TUBAL3: variants seen among roughly 807,000 people sequenced by gnomAD.
TUBAL3 encodes tubulin alpha like 3.
A neutral mutation model predicts 15.5 loss-of-function variants in TUBAL3; 16 were observed. The observed-to-expected ratio is 1.04, with a 90% CI of 0.70 to 1.57. The LOEUF is 1.57. Among genes scored for constraint, TUBAL3 ranks in the 40% most tolerant of loss-of-function variants. TUBAL3 has a pLI of 0.00. For missense variants in TUBAL3, 609 were observed against 576.2 expected, an observed-to-expected ratio of 1.06 and a Z score of -0.58; for synonymous variants, 238 against 224.3, an observed-to-expected ratio of 1.06 and a Z score of -0.55.
Position 5,394,419 on chromosome 10 carries a change from T to C in TUBAL3, c.439A>G (p.Ser147Gly). The C allele has an allele frequency of 6.2e-7, 1 of 1,612,478 alleles. No homozygotes were observed. Among genetic ancestry groups the C allele is most frequent in the South Asian group, 1.1e-5 (1 of 90,800 alleles). ...CCTGAACCAGTGCCTCCTCCAAAGC[T>C]TCGGAAAATCAAAAATCCCTGAAGT... Reference protein sequence around the residue: ...GGLQGFLIFRSFGGGTGSGFT... With the variant: ...GGLQGFLIFRGFGGGTGSGFT... The change falls in exon 4 of 4, where the codon AGC (serine) becomes GGC (glycine). Residue 147 changes from serine (S) to glycine (G), a missense_variant. Transcript: ENST00000380419. This position sits in a 1 kb window ranked among gnomAD's most constrained non-coding sequence, Gnocchi z 4.3.
chr10:5,400,081 A>T (rs941473386), intron 2 of TUBAL3, among the ~76,000 whole-genome samples: 2 of 152,338 alleles, frequency 1.3e-5, no homozygotes, highest in South Asian at 2.1e-4. Context: ...TTTGCATGAC[A>T]TACTACAAGT....
At chr10:5,401,922 G>A (rs996203630) in intron 1 of TUBAL3, among the ~76,000 whole-genome samples, 1 of 151,946 alleles carries the variant, frequency 6.6e-6, no homozygotes, top group Non-Finnish European at 1.5e-5. Context: ...ATATATTGTT[G>A]AGCATTTAAA....
rs1831725718 is a variant in TUBAL3 at position 5,394,214 on chromosome 10, G to A, written c.644C>T (p.Ala215Val). The A allele has an allele frequency of 6.2e-7, 1 of 1,614,180 alleles. No individual in the cohort carries two copies. Among genetic ancestry groups the A allele is most frequent in the Non-Finnish European group, 8.5e-7 (1 of 1,180,032 alleles). ...TTTACGATGGCATATATCATAGACGGCCTCGTTGTCCACCATGAAGGTACA... is the reference window on the plus strand; with the variant it reads ...TTTACGATGGCATATATCATAGACGACCTCGTTGTCCACCATGAAGGTACA... ...TDCTFMVDNE[A>V]VYDICHRKLG... Residue 215 changes from alanine (A) to valine (V), a missense_variant, in exon 4 of 4, where the codon GCC becomes GTC. Transcript: ENST00000380419. This position sits in a 1 kb window ranked among gnomAD's most constrained non-coding sequence, Gnocchi z 4.3.
chr10:5,402,752 T>A (rs1246541392), intron 1 of TUBAL3, among the ~76,000 whole-genome samples: 1 of 152,250 alleles, frequency 6.6e-6, no homozygotes, highest in African/African-American at 2.4e-5. Context: ...AACCCTATTG[T>A]GAACTGCGCA....
At position 5,400,204 on chromosome 10, in the gene TUBAL3, C is replaced by G. The variant is rs530327644; in HGVS notation, c.247+640G>C. Among the ~76,000 whole-genome samples the G allele has an allele frequency of 8.5e-5, 13 of 152,276 alleles. No homozygotes were observed. The South Asian group carries it at 2.7e-3, about 32-fold the overall frequency. On this transcript the variant is annotated intron_variant, in intron 2 of 3. Transcript: ENST00000380419. ...TATTCTACTCTTTTTAAGCAGCTAT[C>G]GAAAAACTTTTTGATTCTTTGCCAG...
At chr10:5,404,293 G>A (rs1475737816) in intron 1 of TUBAL3, among the ~76,000 whole-genome samples, 7 of 152,156 alleles carry the variant, frequency 4.6e-5, no homozygotes, top group Non-Finnish European at 8.8e-5. Flanking sequence ...CAGAATTATT[G>A]TAAGTTATTC....
intron 2 of TUBAL3, among the ~76,000 whole-genome samples, chr10:5,399,149 C>G (rs965188781): frequency 6.6e-6 from 1 of 152,196 alleles, no homozygotes; most frequent in African/African-American, 2.4e-5. Flanking sequence ...AGTTCCTCAT[C>G]TATAAATTGA....
chr10:5,394,461 CCT>C lies in TUBAL3; in HGVS notation c.397-2_397-1del, dbSNP rs782088712. ...CCCTGAAGTCCACCACACTGTTCTGCCTGGAGAAAGTAAATGAGATGTGAGAA... is the reference window on the plus strand; with the variant it reads ...CCCTGAAGTCCACCACACTGTTCTGCGGAGAAAGTAAATGAGATGTGAGAA... On this transcript the variant is annotated splice_acceptor_variant, in intron 3 of 3. Transcript: ENST00000380419. LOFTEE classifies it high-confidence loss of function. This position sits in a 1 kb window ranked among gnomAD's most constrained non-coding sequence, Gnocchi z 4.3. The C allele has an allele frequency of 1.3e-6, 2 of 1,586,056 alleles. No individual in the cohort carries two copies. Among genetic ancestry groups the C allele is most frequent in the Non-Finnish European group, 1.7e-6 (2 of 1,167,550 alleles).
Position 5,394,287 on chromosome 10 carries a change from G to A in TUBAL3, c.571C>T (p.Pro191Ser). The change falls in exon 4 of 4, where the codon CCT becomes TCT. Residue 191 changes from proline (P) to serine (S), a missense_variant. Physicochemically the swap from Pro to Ser is moderately conservative, Grantham distance 74. Transcript: ENST00000380419. The surrounding 1 kb of genome is among the most constrained non-coding windows in gnomAD (Gnocchi z 4.3). The part of the protein sequence containing the change: ...APRISTAVVE[P>S]YNSVLTTHST... Reference sequence around the variant, plus strand: ...TGGGTGGTGAGGACAGAGTTATAAGGCTCTACCACAGCAGTGGAGATCCTG... The same window carrying A: ...TGGGTGGTGAGGACAGAGTTATAAGACTCTACCACAGCAGTGGAGATCCTG... 6.2e-7 allele frequency: 1 copy of A among 1,614,120 alleles called. No homozygotes were observed. Among genetic ancestry groups the A allele is most frequent in the Non-Finnish European group, 8.5e-7 (1 of 1,180,022 alleles).
Position 5,395,214 on chromosome 10 carries a change from C to T in TUBAL3, c.396+113G>A. ...AGTTCTGAGCACCCAGACCAGAGCC[C>T]AGGGAGAGACGGTTGGTGGCGATGG... On this transcript the variant is annotated intron_variant, in intron 3 of 3. Coordinates refer to ENST00000380419, the MANE Select transcript of TUBAL3 (RefSeq NM_024803.3). This position sits in a 1 kb window ranked among gnomAD's most constrained non-coding sequence, Gnocchi z 4.6. The T allele has an allele frequency of 1.7e-6, 2 of 1,187,702 alleles. No homozygotes were observed. Among genetic ancestry groups the T allele is most frequent in the South Asian group, 4.1e-5 (2 of 48,952 alleles). The allele number at this position is 1,187,702 out of a possible 1,614,324, so 73.6% of individuals were successfully genotyped here.
chr10:5,393,175 G>A lies in TUBAL3; in HGVS notation c.*342C>T. The stretch of plus-strand genomic sequence containing the variant: ...GAAAAAACATTCGTAATCAACATGT[G>A]CTGTTTTCTACTTCCGGTACCAGAA... On this transcript the variant is annotated 3_prime_UTR_variant, in exon 4 of 4. Transcript: ENST00000380419. 1 of 216,888 alleles carries A rather than the reference G, an allele frequency of 4.6e-6. No homozygotes were observed. The highest frequency in any genetic ancestry group is 1.1e-4 in the East Asian group (1 of 9,474). 13.4% of individuals were successfully genotyped at this position (216,888 alleles called of 1,614,324 possible).
chr10:5,398,991 A>T (rs1483235646), intron 2 of TUBAL3, among the ~76,000 whole-genome samples: 1 of 152,124 alleles, frequency 6.6e-6, no homozygotes, highest in African/African-American at 2.4e-5. Context: ...TGTTATAACT[A>T]TTTATTTTTT....
chr10:5,398,313 A>C (rs1454251486), intron 2 of TUBAL3, among the ~76,000 whole-genome samples: 1 of 150,706 alleles, frequency 6.6e-6, no homozygotes, highest in African/African-American at 2.4e-5. Flanking sequence ...CCAGCTACCC[A>C]GGAGGCTGAG....
At position 5,397,932 on chromosome 10, in the gene TUBAL3, T is replaced by C. The variant is rs777654114; in HGVS notation, c.248-2457A>G. On this transcript the variant is annotated intron_variant, in intron 2 of 3. Coordinates refer to ENST00000380419, the MANE Select transcript of TUBAL3 (RefSeq NM_024803.3). The surrounding 1 kb of genome is among the most constrained non-coding windows in gnomAD (Gnocchi z 4.9). ...CCTATGCCTGGCCAAGCTGAACTCC[T>C]GGTTACACTTGCGGGGCATTCCTTC... 1.3e-5 allele frequency among the ~76,000 whole-genome samples: 2 copies of C among 152,202 alleles called. No homozygotes were observed. The highest frequency in any genetic ancestry group is 6.5e-5 in the Admixed American group (1 of 15,282).
intron 1 of TUBAL3, among the ~76,000 whole-genome samples, chr10:5,402,024 C>G (rs1483023744): frequency 6.6e-6 from 1 of 151,544 alleles, no homozygotes; most frequent in Admixed American, 6.6e-5. Flanking sequence ...CTTATGATAA[C>G]ATATTAAGTA....
intron 1 of TUBAL3, among the ~76,000 whole-genome samples, chr10:5,404,285 G>T (rs1172890828): frequency 2.0e-5 from 3 of 152,142 alleles, no homozygotes; most frequent in African/African-American, 7.2e-5. Flanking sequence ...TCCCAAAACA[G>T]AATTATTGTA....
chr10:5,397,568 C>A lies in TUBAL3; in HGVS notation c.248-2093G>T, dbSNP rs782298391. ...ATCTCAGGGCATAGTGGTTGCAGCACCTGCCGTTCATAAGTAATCCATGCC... is the reference window on the plus strand; with the variant it reads ...ATCTCAGGGCATAGTGGTTGCAGCAACTGCCGTTCATAAGTAATCCATGCC... On this transcript the variant is annotated intron_variant, in intron 2 of 3. Transcript: ENST00000380419. The surrounding 1 kb of genome is among the most constrained non-coding windows in gnomAD (Gnocchi z 4.9). 2.0e-5 allele frequency among the ~76,000 whole-genome samples: 3 copies of A among 152,156 alleles called. No individual in the cohort carries two copies. The highest frequency in any genetic ancestry group is 2.9e-5 in the Non-Finnish European group (2 of 68,028).
rs534834682 is a variant in TUBAL3 at position 5,393,915 on chromosome 10, G to A, written c.943C>T (p.Arg315Trp). 193 of 1,614,198 alleles carry A rather than the reference G, an allele frequency of 1.2e-4. 1 individual carries two copies. In the South Asian group the frequency reaches 1.6e-3, roughly 13 times the overall value. Residue 315 changes from arginine to tryptophan, a missense_variant, in exon 4 of 4, where the codon CGG becomes TGG. Transcript: ENST00000380419. ...SSNQLVKCDP[R>W]LGKYMACCLL... is the part of the protein sequence containing the mutation. ...CAGCAGGCCATGTACTTCCCAAGCC[G>A]AGGATCACACTTGACCAGCTGGTTG... is the stretch of plus-strand genomic sequence containing the variant.
rs190518571 is a variant in TUBAL3 at position 5,396,792 on chromosome 10, G to A, written c.248-1317C>T. 2.6e-5 allele frequency among the ~76,000 whole-genome samples: 4 copies of A among 152,304 alleles called. No individual in the cohort carries two copies. The highest frequency in any genetic ancestry group is 6.5e-5 in the Admixed American group (1 of 15,302). ...TTACTCAAATAGCATTATTCCTGAT[G>A]ATTAAACAGCAGTGTTTCAGGGCTA... On this transcript the variant is annotated intron_variant, in intron 2 of 3. Transcript: ENST00000380419. The surrounding 1 kb of genome is among the most constrained non-coding windows in gnomAD (Gnocchi z 5.1).
Sources: gnomAD v4.1 joint callset for allele counts (sites outside exome capture counted in the v4.1 genomes callset) on GRCh38, gnomAD v4.1.1 for gene constraint, Gnocchi (gnomAD v3.1) non-coding constraint, MANE v1.5 for transcripts, NCBI Gene and HGNC (gene_info 2026-07-23, HGNC 2026-07-21) for gene names.